Variants in TMEM132D observed in about 807,000 individuals in gnomAD.
The protein encoded by TMEM132D is mature OL transmembrane protein.
Under a neutral mutation model 62.3 loss-of-function variants are expected in TMEM132D, and 21 were observed. The observed-to-expected ratio is 0.34, with a 90% confidence interval of 0.24 to 0.49. The LOEUF (loss-of-function observed/expected upper bound fraction) is 0.49. Among genes scored for constraint, TMEM132D ranks in the 20% least tolerant of loss-of-function variants. The probability of loss-of-function intolerance (pLI) is 0.99; values close to 1 mark genes in which losing one functional copy is unlikely to be tolerated. For missense variants in TMEM132D, 1,346 were observed against 1,402.8 expected, an observed-to-expected ratio of 0.96 and a Z score of 0.65; for synonymous variants, 621 against 575.6, an observed-to-expected ratio of 1.08 and a Z score of -1.13.
intron 3 of TMEM132D, among the ~76,000 whole-genome samples, chr12:129,351,102 A>G (rs1869847322): frequency 6.6e-6 from 1 of 152,230 alleles, no homozygotes; most frequent in African/African-American, 2.4e-5. Flanking sequence ...TAATCTGCCA[A>G]AAATGGATGA....
chr12:129,209,359 G>T (rs539481688), intron 5 of TMEM132D, among the ~76,000 whole-genome samples, 161 bp downstream of exon 5: 1 of 152,168 alleles, frequency 6.6e-6, no homozygotes, highest in Admixed American at 6.5e-5. Context: ...TTTGTGCCAC[G>T]GAGAATGTCC....
intron 2 of TMEM132D, among the ~76,000 whole-genome samples, chr12:129,574,353 T>C (rs80111908): frequency 0.011 from 1,645 of 151,944 alleles, 67 homozygotes; most frequent in Admixed American, 0.066. Flanking sequence ...TAATAAACTA[T>C]TGGGGGATAT....
chr12:129,247,766 C>T (rs1880160269), intron 4 of TMEM132D, among the ~76,000 whole-genome samples: 1 of 152,106 alleles, frequency 6.6e-6, no homozygotes, highest in African/African-American at 2.4e-5. Context: ...GAGGAGGTGG[C>T]TGGCAAGGAA....
intron 2 of TMEM132D, among the ~76,000 whole-genome samples, chr12:129,665,303 G>A (rs1437707769): frequency 6.6e-6 from 1 of 152,114 alleles, no homozygotes; most frequent in Non-Finnish European, 1.5e-5. Flanking sequence ...CAAAGAACCA[G>A]AAAGAGGTTT....
chr12:129,157,700 C>T (rs1439818524), intron 5 of TMEM132D, among the ~76,000 whole-genome samples: 1 of 152,176 alleles, frequency 6.6e-6, no homozygotes, highest in Non-Finnish European at 1.5e-5. Context: ...AAACCACAGA[C>T]CATCTGGTCT....
rs1450777692 is a variant in TMEM132D, at chr12:129,596,592, C to T, written c.969-65387G>A. On this transcript the variant is annotated intron_variant, in intron 2 of 8. Transcript: ENST00000422113. Reference sequence around the variant, plus strand: ...ATATAATGGCACACCCTTCTGTATACTTTAAATCATGTCTAGATTACATGT... The same window carrying T: ...ATATAATGGCACACCCTTCTGTATATTTTAAATCATGTCTAGATTACATGT... Among the ~76,000 whole-genome samples, 6 of 152,080 alleles carry T rather than the reference C, an allele frequency of 3.9e-5. No individual in the cohort carries two copies. In the South Asian group the frequency reaches 6.3e-4, roughly 16 times the overall value.
chr12:129,108,420 A>C (rs1479255708), intron 5 of TMEM132D, among the ~76,000 whole-genome samples: 1 of 152,220 alleles, frequency 6.6e-6, no homozygotes, highest in Non-Finnish European at 1.5e-5. Flanking sequence ...GGGTTTGGGA[A>C]GATGACTCAG....
At chr12:129,304,100 T>A (rs750031532) in intron 4 of TMEM132D, among the ~76,000 whole-genome samples, 8 of 152,354 alleles carry the variant, frequency 5.3e-5, no homozygotes, top group South Asian at 2.1e-4. Context: ...CCAGCAATAA[T>A]GTCTTACCGA....
intron 2 of TMEM132D, among the ~76,000 whole-genome samples, chr12:129,646,100 C>A (rs1021710122): frequency 6.6e-6 from 1 of 152,198 alleles, no homozygotes; most frequent in African/African-American, 2.4e-5. Flanking sequence ...TTTCACTTTA[C>A]TCTGTTGGCT....
intron 4 of TMEM132D, among the ~76,000 whole-genome samples, chr12:129,212,885 G>A (rs1879095763): frequency 6.6e-6 from 1 of 152,132 alleles, no homozygotes; most frequent in Non-Finnish European, 1.5e-5. Context: ...TTTCCTGGGG[G>A]CTCACTGTCA....
chr12:129,458,506 C>G (rs1490434620), intron 3 of TMEM132D, among the ~76,000 whole-genome samples: 1 of 151,620 alleles, frequency 6.6e-6, no homozygotes, highest in Non-Finnish European at 1.5e-5. Context: ...AAAAGACCGT[C>G]TCAAATGGTT....
At chr12:129,196,254 T>C (rs1878549173) in intron 5 of TMEM132D, among the ~76,000 whole-genome samples, 1 of 152,246 alleles carries the variant, frequency 6.6e-6, no homozygotes, top group South Asian at 2.1e-4. Flanking sequence ...TGTTATAATC[T>C]TTTCATGCAG....
intron 5 of TMEM132D, among the ~76,000 whole-genome samples, chr12:129,128,113 A>G (rs188038567): frequency 7.2e-5 from 11 of 152,316 alleles, no homozygotes; most frequent in African/African-American, 2.2e-4. Flanking sequence ...GGCTGCATGT[A>G]CAAACTTGGA....
At chr12:129,407,026 T>C (rs1416806633) in intron 3 of TMEM132D, among the ~76,000 whole-genome samples, 2 of 152,228 alleles carry the variant, frequency 1.3e-5, no homozygotes, top group Non-Finnish European at 2.9e-5. Flanking sequence ...GAATAACCGC[T>C]ACAGGAAAAG....
At chr12:129,206,481 G>A (rs190370411) in intron 5 of TMEM132D, among the ~76,000 whole-genome samples, 28 of 152,304 alleles carry the variant, frequency 1.8e-4, no homozygotes, top group Non-Finnish European at 3.2e-4. Flanking sequence ...TGGAGAAAAG[G>A]GAATGCTGAT....
intron 1 of TMEM132D, among the ~76,000 whole-genome samples, chr12:129,747,777 C>G (rs374612499): frequency 6.6e-6 from 1 of 150,916 alleles, no homozygotes; most frequent in Non-Finnish European, 1.5e-5. Context: ...ACACTCAACA[C>G]ATTCACACAC....
At chr12:129,495,449 G>A (rs759588899) in intron 3 of TMEM132D, among the ~76,000 whole-genome samples, 3 of 152,144 alleles carry the variant, frequency 2.0e-5, no homozygotes, top group Non-Finnish European at 4.4e-5. Flanking sequence ...CACAGCAGAT[G>A]GGATTTTCCT....
intron 3 of TMEM132D, among the ~76,000 whole-genome samples, chr12:129,513,029 C>T (rs1484095104): frequency 6.6e-6 from 1 of 152,176 alleles, no homozygotes; most frequent in Non-Finnish European, 1.5e-5. Context: ...ATTTGAAGGT[C>T]AGTGTCTTAG....
At chr12:129,733,811 G>A (rs546250731) in intron 1 of TMEM132D, among the ~76,000 whole-genome samples, 20 of 152,318 alleles carry the variant, frequency 1.3e-4, no homozygotes, top group South Asian at 6.2e-4. Context: ...AGGAAGGGCC[G>A]TAACCTGGGT....
Sources: allele counts gnomAD v4.1 joint callset (sites outside exome capture counted in the v4.1 genomes callset), GRCh38; gene constraint gnomAD v4.1.1; transcripts MANE v1.5; gene names NCBI Gene and HGNC (gene_info 2026-07-23, HGNC 2026-07-21).